FAM222B: variants seen among roughly 807,000 people sequenced by gnomAD.
FAM222B encodes the protein family with sequence similarity 222 member B.
In FAM222B, 12 loss-of-function variants were observed where a neutral mutation model predicts 38.0. That is an observed-to-expected ratio of 0.32 (90% CI 0.20 to 0.51). FAM222B has a LOEUF of 0.51. FAM222B is among the 20% of genes least tolerant of loss of function. FAM222B has a pLI of 0.97. For missense variants in FAM222B, 716 were observed against 754.2 expected (o/e 0.95, Z 0.59); for synonymous variants, 329 against 317.2 (o/e 1.04, Z -0.40).
At chr17:28,837,695 C>G (rs911904314) in intron 1 of FAM222B, among the ~76,000 whole-genome samples, 1 of 151,528 alleles carries the variant, frequency 6.6e-6, no homozygotes, top group African/African-American at 2.4e-5. Context: ...CTGTTTCGCC[C>G]AGGGTGGAGT....
At chr17:28,848,558 A>C (rs2039160597) in intron 1 of FAM222B, among the ~76,000 whole-genome samples, 1 of 151,850 alleles carries the variant, frequency 6.6e-6, no homozygotes, top group Non-Finnish European at 1.5e-5. Context: ...CAGGAATTCA[A>C]GACCAGCCTG....
intron 1 of FAM222B, among the ~76,000 whole-genome samples, chr17:28,831,305 C>G (rs2038659639): frequency 6.6e-6 from 1 of 151,840 alleles, no homozygotes; most frequent in Non-Finnish European, 1.5e-5. Context: ...GAATCTATGT[C>G]TGAACCTCTG....
intron 1 of FAM222B, among the ~76,000 whole-genome samples, chr17:28,806,426 G>GT (rs2037500330): frequency 1.3e-5 from 2 of 152,224 alleles, no homozygotes; most frequent in South Asian, 2.1e-4. Flanking sequence ...AACCAGCCCA[G>GT]TATTTCCTTC....
upstream of FAM222B, among the ~76,000 whole-genome samples, chr17:28,847,256 TC>T (rs1326130361): frequency 6.6e-6 from 1 of 151,344 alleles, no homozygotes; most frequent in Non-Finnish European, 1.5e-5. Flanking sequence ...ATCTAAAACT[TC>T]CGTGACCCCA....
At chr17:28,768,624 G>C (rs915415271) in intron 1 of FAM222B, among the ~76,000 whole-genome samples, 34 of 151,986 alleles carry the variant, frequency 2.2e-4, no homozygotes. Context: ...ATTACCTGAG[G>C]TCAGGAGTTC....
intron 1 of FAM222B, among the ~76,000 whole-genome samples, chr17:28,805,658 AAAAG>A (rs918873039): frequency 2.5e-4 from 38 of 152,174 alleles, no homozygotes; most frequent in African/African-American, 7.2e-4. Flanking sequence ...CTCAAAAAAA[AAAAG>A]AAAGAAAGAG....
chr17:28,792,831 A>G (rs796072094), intron 1 of FAM222B, among the ~76,000 whole-genome samples: 11 of 151,768 alleles, frequency 7.2e-5, no homozygotes, highest in African/African-American at 1.2e-4. Flanking sequence ...AGAAATGTCT[A>G]TCTTGAAGGA....
chr17:28,816,639 AC>A (rs1229129606), intron 1 of FAM222B, among the ~76,000 whole-genome samples: 1 of 152,190 alleles, frequency 6.6e-6, no homozygotes, highest in Non-Finnish European at 1.5e-5. Context: ...AATAAAAAAA[AC>A]AAAAAAAAAC....
At chr17:28,783,816 T>A (rs2036270299) in intron 1 of FAM222B, among the ~76,000 whole-genome samples, 1 of 149,458 alleles carries the variant, frequency 6.7e-6, no homozygotes, top group African/African-American at 2.5e-5. Flanking sequence ...CAGACTTTTT[T>A]GAGGCTGAGT....
In FAM222B at chr17:28,756,160, G is replaced by A. The variant is rs1296662121; in HGVS notation, c.*2110C>T. On this transcript the variant is annotated 3_prime_UTR_variant, in exon 3 of 3. Transcript: ENST00000581407. ...ACAGGGAGTGTGGAGAGGAGGCCCT[G>A]GCTTGGACCCTTATTGCTGGCTGGG... 1 of 152,850 alleles carries A rather than the reference G, an allele frequency of 6.5e-6. No individual in the cohort carries two copies. Among genetic ancestry groups the A allele is most frequent in the Non-Finnish European group, 1.5e-5 (1 of 68,302 alleles). The allele number at this position is 152,850 out of a possible 1,614,324, so 9.5% of individuals were successfully genotyped here.
rs1177497247 is a variant in FAM222B at position 28,758,685 on chromosome 17, G to C, written c.1274C>G (p.Pro425Arg). The change falls in exon 3 of 3, where the codon CCC becomes CGC. Residue 425 changes from proline to arginine, a missense_variant. Transcript: ENST00000581407. Reference protein sequence around the residue: ...CLAQSFHLKPPLEKPTPSPPV... With the variant: ...CLAQSFHLKPRLEKPTPSPPV... ...TGGGGATGGGGTCGGCTTTTCCAGG[G>C]GTGGCTTCAGATGGAAGGACTGCGC... The C allele has an allele frequency of 3.7e-6, 6 of 1,603,468 alleles. No homozygotes were observed. The highest frequency in any genetic ancestry group is 2.7e-5 in the African/African-American group (2 of 74,740).
upstream of FAM222B, among the ~76,000 whole-genome samples, chr17:28,847,223 G>GA (rs150303077): frequency 3.5e-5 from 5 of 142,246 alleles, no homozygotes; most frequent in Non-Finnish European, 4.6e-5. Flanking sequence ...CGTCTCAAAA[G>GA]AAAAAAAAAA....
chr17:28,817,406 C>G lies in FAM222B; in HGVS notation c.-41+25276G>C, dbSNP rs139559347. 8.0e-3 allele frequency among the ~76,000 whole-genome samples: 1,154 copies of G among 144,346 alleles called. 9 individuals carry two copies. Among genetic ancestry groups the G allele is most frequent in the South Asian group, 0.02 (84 of 4,290 alleles). 94.7% of individuals were successfully genotyped at this position (144,346 alleles called of 152,430 possible). ...CCAGCCTGGGCAACAGAGTGAGACT[C>G]TGTCTCAAAAAAAAAAAAATTAATA... On this transcript the variant is annotated intron_variant, in intron 1 of 2. Transcript: ENST00000581407.
chr17:28,803,550 G>C (rs2037337006), intron 1 of FAM222B, among the ~76,000 whole-genome samples: 1 of 152,020 alleles, frequency 6.6e-6, no homozygotes, highest in Non-Finnish European at 1.5e-5. Context: ...TCCTGCCTCA[G>C]TCTCCCAAAG....
At chr17:28,796,979 G>C (rs2036969656) in intron 1 of FAM222B, among the ~76,000 whole-genome samples, 1 of 139,566 alleles carries the variant, frequency 7.2e-6, no homozygotes, top group South Asian at 2.5e-4. Flanking sequence ...GTAGAAGCCA[G>C]TTAAGTGGCT....
chr17:28,787,408 T>C (rs942148224), intron 1 of FAM222B, among the ~76,000 whole-genome samples: 1 of 152,198 alleles, frequency 6.6e-6, no homozygotes, highest in Non-Finnish European at 1.5e-5. Context: ...ATAACCTTTG[T>C]CAAAGGCTTC....
At position 28,807,020 on chromosome 17, in the gene FAM222B, CT is replaced by C. The variant is rs919878688; in HGVS notation, c.-41+35661del. Among the ~76,000 whole-genome samples, 407 of 143,600 alleles carry C rather than the reference CT, an allele frequency of 2.8e-3. 1 individual carries two copies. The highest frequency in any genetic ancestry group is 7.1e-3 in the Middle Eastern group (2 of 280). 94.2% of individuals were successfully genotyped at this position (143,600 alleles called of 152,430 possible). A position where few individuals can be genotyped will look rare whatever the true frequency, so the allele number is the denominator to read the frequency against. On this transcript the variant is annotated intron_variant, in intron 1 of 2. Transcript: ENST00000581407. ...AGTAAGACTATTTATCTTTTTTTAT[CT>C]TTTTTTTTTTTTAGATGGAATTTCG...
At chr17:28,803,402 C>G (rs1400847232) in intron 1 of FAM222B, among the ~76,000 whole-genome samples, 5 of 152,012 alleles carry the variant, frequency 3.3e-5, no homozygotes, top group Non-Finnish European at 7.4e-5. Flanking sequence ...AACTCCTGGG[C>G]TCAAGGGATC....
chr17:28,773,729 C>G (rs1004279215), intron 1 of FAM222B, among the ~76,000 whole-genome samples: 1 of 151,070 alleles, frequency 6.6e-6, no homozygotes, highest in African/African-American at 2.4e-5. Context: ...GTCCAGAAGG[C>G]GGAGGTTGCA....
Sources: allele counts gnomAD v4.1 joint callset (sites outside exome capture counted in the v4.1 genomes callset), GRCh38; gene constraint gnomAD v4.1.1; transcripts MANE v1.5; gene names NCBI Gene and HGNC (gene_info 2026-07-23, HGNC 2026-07-21).